Variants in EFCAB5 observed in about 807,000 individuals in gnomAD.
EFCAB5 encodes the protein EF-hand calcium binding domain 5.
In EFCAB5, 131 loss-of-function variants were observed where a neutral mutation model predicts 167.9. The ratio of observed to expected loss-of-function variants is 0.78; its 90% confidence interval spans 0.68 to 0.90. The LOEUF is 0.90. EFCAB5 is among the 40% of genes least tolerant of loss of function. EFCAB5 has a pLI of 0.00. For missense variants in EFCAB5, 1,663 were observed against 1,745.2 expected (o/e 0.95, Z 0.84); for synonymous variants, 574 against 602.8 (o/e 0.95, Z 0.70).
intron 3 of EFCAB5, among the ~76,000 whole-genome samples, chr17:29,965,519 G>A (rs970383895): frequency 1.3e-5 from 2 of 152,002 alleles, no homozygotes; most frequent in African/African-American, 4.8e-5. Flanking sequence ...CTGTTATATT[G>A]GGTAGACTAT....
At chr17:30,013,278 C>G (rs1351904004) in intron 7 of EFCAB5, among the ~76,000 whole-genome samples, 1 of 152,078 alleles carries the variant, frequency 6.6e-6, no homozygotes, top group African/African-American at 2.4e-5. Flanking sequence ...TTTGTTGTGT[C>G]TCTGCCAGGC....
chr17:30,056,736 A>G (rs1324456554), intron 12 of EFCAB5, among the ~76,000 whole-genome samples: 2 of 152,214 alleles, frequency 1.3e-5, no homozygotes, highest in African/African-American at 4.8e-5. Context: ...ACTAAATTAG[A>G]TCAAGATTAT....
At chr17:30,072,233 A>G (rs1157754570) in intron 14 of EFCAB5, among the ~76,000 whole-genome samples, 2 of 152,220 alleles carry the variant, frequency 1.3e-5, no homozygotes, top group African/African-American at 4.8e-5. Context: ...CATATTGTCT[A>G]CATGTGTTGA....
chr17:30,050,828 A>G (rs923324565), intron 8 of EFCAB5, among the ~76,000 whole-genome samples: 1 of 152,254 alleles, frequency 6.6e-6, no homozygotes, highest in Non-Finnish European at 1.5e-5. Flanking sequence ...GTCAGGTAAG[A>G]TAAGTACTGA....
At chr17:30,023,022 T>C (rs896534369) in intron 7 of EFCAB5, among the ~76,000 whole-genome samples, 2 of 151,470 alleles carry the variant, frequency 1.3e-5, no homozygotes, top group Middle Eastern at 3.4e-3. Flanking sequence ...CTGGGACACA[T>C]TCAAAGCAGT....
intron 4 of EFCAB5, among the ~76,000 whole-genome samples, chr17:29,989,835 G>A (rs895996721): frequency 1.1e-4 from 16 of 152,088 alleles, no homozygotes; most frequent in Non-Finnish European, 1.5e-4. Context: ...CATTTTAAAG[G>A]TATAGGTTCT....
chr17:29,986,864 G>A (rs1435459462), intron 4 of EFCAB5, among the ~76,000 whole-genome samples: 1 of 151,484 alleles, frequency 6.6e-6, no homozygotes, highest in African/African-American at 2.4e-5. Flanking sequence ...AGCCAGGATG[G>A]TCTCGATCTC....
chr17:30,061,611 T>C (rs1293938232), intron 14 of EFCAB5, among the ~76,000 whole-genome samples: 2 of 152,190 alleles, frequency 1.3e-5, no homozygotes, highest in East Asian at 3.8e-4. Flanking sequence ...GGTCTCACTC[T>C]GTTGCCAAGG....
chr17:30,105,494 GAAAC>G (rs993804253), intron 22 of EFCAB5, among the ~76,000 whole-genome samples: 15 of 151,814 alleles, frequency 9.9e-5, no homozygotes, highest in Admixed American at 4.6e-4. Flanking sequence ...CTCAAAAAAC[GAAAC>G]AAACAAACAA....
chr17:30,089,380 T>C (rs1296948593), intron 19 of EFCAB5, among the ~76,000 whole-genome samples: 1 of 152,182 alleles, frequency 6.6e-6, no homozygotes, highest in Non-Finnish European at 1.5e-5. Flanking sequence ...TCATCTTACC[T>C]GTCACTGTAG....
chr17:30,091,801 A>C, intron 20 of EFCAB5, 70 bp from the exon 21 acceptor site: 10 of 1,516,824 alleles, frequency 6.6e-6, no homozygotes, highest in Non-Finnish European at 8.9e-6. Flanking sequence ...TCAGAATCCT[A>C]TGAAAAAGTA....
chr17:30,098,536 G>GAAA (rs549515033), intron 22 of EFCAB5, among the ~76,000 whole-genome samples: 1 of 123,920 alleles, frequency 8.1e-6, no homozygotes. Flanking sequence ...TGTCTACAGA[G>GAAA]AAAAAAAAAA....
In EFCAB5 at chr17:29,942,232, C is replaced by T. The variant is rs1182590734; in HGVS notation, c.43-8C>T. The T allele has an allele frequency of 6.3e-7, 1 of 1,579,080 alleles. No homozygotes were observed. The highest frequency in any genetic ancestry group is 8.6e-7 in the Non-Finnish European group (1 of 1,162,246). On this transcript the variant is annotated splice_region_variant and splice_polypyrimidine_tract_variant and intron_variant, in intron 1 of 22. Transcript: ENST00000394835. ...GGATGCCATTTACTAACACTGTTTG[C>T]ATTTCAGGAAAACAGAAAAGAAGAC...
intron 8 of EFCAB5, among the ~76,000 whole-genome samples, chr17:30,048,491 C>CTT (rs748404709): frequency 3.5e-5 from 5 of 142,816 alleles, no homozygotes; most frequent in Non-Finnish European, 4.6e-5. Flanking sequence ...GAGGATACTT[C>CTT]TTTTTTTTTT....
At chr17:30,065,096 A>G (rs762781294) in intron 14 of EFCAB5, among the ~76,000 whole-genome samples, 31 of 152,230 alleles carry the variant, frequency 2.0e-4, no homozygotes, top group Non-Finnish European at 4.0e-4. Flanking sequence ...TGAAAATATG[A>G]TAATCCCTAT....
chr17:30,101,289 A>G (rs1369373189), intron 22 of EFCAB5, among the ~76,000 whole-genome samples: 1 of 152,234 alleles, frequency 6.6e-6, no homozygotes, highest in East Asian at 1.9e-4. Context: ...GAGTTGTTGC[A>G]GGAATCTGGT....
At chr17:30,070,037 G>T (rs1325464655) in intron 14 of EFCAB5, among the ~76,000 whole-genome samples, 1 of 152,182 alleles carries the variant, frequency 6.6e-6, no homozygotes, top group African/African-American at 2.4e-5. Context: ...TTCAAAGGAA[G>T]TCACTGACCT....
intron 2 of EFCAB5, among the ~76,000 whole-genome samples, chr17:29,942,772 T>C (rs2067318740): frequency 6.6e-6 from 1 of 152,210 alleles, no homozygotes; most frequent in African/African-American, 2.4e-5. Context: ...TGATTGTCGA[T>C]GGCTCACACT....
chr17:29,937,756 C>T (rs763489096), upstream of EFCAB5, among the ~76,000 whole-genome samples: 10 of 152,152 alleles, frequency 6.6e-5, no homozygotes, highest in Non-Finnish European at 1.3e-4. Flanking sequence ...CAGGGTGGTT[C>T]TATAGCCCTA....
Sources: gnomAD v4.1 joint callset for allele counts (sites outside exome capture counted in the v4.1 genomes callset) on GRCh38, gnomAD v4.1.1 for gene constraint, MANE v1.5 for transcripts, NCBI Gene and HGNC (gene_info 2026-07-23, HGNC 2026-07-21) for gene names.